Variants in STX2 observed in about 807,000 individuals in gnomAD.
STX2 encodes the protein syntaxin-2.
Under a neutral mutation model 40.6 loss-of-function variants are expected in STX2, and 27 were observed. That is an observed-to-expected ratio of 0.66 (90% CI 0.49 to 0.92). The LOEUF is 0.92. Among genes scored for constraint, STX2 ranks in the 40% least tolerant of loss-of-function variants. The pLI is 0.00. For missense variants in STX2, 328 were observed against 366.1 expected, an observed-to-expected ratio of 0.90 and a Z score of 0.85; for synonymous variants, 123 against 119.1, an observed-to-expected ratio of 1.03 and a Z score of -0.22.
At chr12:130,812,049 A>G (rs1951679703) in intron 4 of STX2, 3 of 236,732 alleles carry the variant, frequency 1.3e-5, no homozygotes, top group Non-Finnish European at 2.5e-5. Context: ...CAGATTCTGT[A>G]GGACAAATGA....
At chr12:130,796,157 G>C in intron 9 of STX2, 37 bp from the exon 10 acceptor site, 1 of 1,607,586 alleles carries the variant, frequency 6.2e-7, no homozygotes, top group Non-Finnish European at 8.5e-7. Flanking sequence ...ATCATGCATG[G>C]TTAATTTCAT....
In STX2 at chr12:130,818,188, ATAT is replaced by A. The variant is rs1565924650; in HGVS notation, c.205+3498_205+3500del. 2.5e-3 allele frequency among the ~76,000 whole-genome samples: 167 copies of A among 66,134 alleles called. 4 individuals carry two copies. Among genetic ancestry groups the A allele is most frequent in the African/African-American group, 3.1e-3 (41 of 13,290 alleles). The allele number at this position is 66,134 out of a possible 152,430, so 43.4% of individuals were successfully genotyped here. A position where few individuals can be genotyped will look rare whatever the true frequency, so the allele number is the denominator to read the frequency against. On this transcript the variant is annotated intron_variant, in intron 3 of 10. Coordinates refer to ENST00000392373, the MANE Select transcript of STX2 (RefSeq NM_194356.4). ...GTTTCTACAAAAAAAAAAAAAAAAT[ATAT>A]ATATATATATATATATATATATATA... is the stretch of plus-strand genomic sequence containing the variant.
chr12:130,815,068 A>G (rs912620212), intron 3 of STX2, among the ~76,000 whole-genome samples: 6 of 152,152 alleles, frequency 3.9e-5, no homozygotes, highest in Non-Finnish European at 7.4e-5. Context: ...TGCCATCTCT[A>G]TTTAAAAAAG....
chr12:130,819,054 T>TCCA (rs1193164866), intron 3 of STX2, among the ~76,000 whole-genome samples: 6 of 152,344 alleles, frequency 3.9e-5, no homozygotes, highest in African/African-American at 1.4e-4. Context: ...AGGTCCTTCG[T>TCCA]CCACCTCTCT....
In STX2 at chr12:130,821,885, A is replaced by G. The variant is rs1752299805; in HGVS notation, c.106-97T>C. On this transcript the variant is annotated intron_variant, in intron 2 of 10. Transcript: ENST00000392373. ...GAAGAATAAAGGAGGGAAATAAATA[A>G]TTACCACATAAGAAATAAAAGCCTC... 15 of 684,930 alleles carry G rather than the reference A, an allele frequency of 2.2e-5. No individual in the cohort carries two copies. The South Asian group carries it at 2.4e-4, about 11-fold the overall frequency. 42.4% of individuals were successfully genotyped at this position (684,930 alleles called of 1,614,324 possible). A position where few individuals can be genotyped will look rare whatever the true frequency, so the allele number is the denominator to read the frequency against.
intron 1 of STX2, among the ~76,000 whole-genome samples, chr12:130,834,453 G>C (rs921512674): frequency 7.2e-5 from 11 of 152,164 alleles, no homozygotes; most frequent in African/African-American, 2.4e-4. Context: ...TGCAAGGGCA[G>C]GGAGGAGGGG....
chr12:130,814,627 CTTTTTTT>C (rs5801936), intron 3 of STX2, among the ~76,000 whole-genome samples: 4 of 49,226 alleles, frequency 8.1e-5, no homozygotes, highest in East Asian at 7.4e-4. Context: ...ATTAGAAAGA[CTTTTTTT>C]TTTTTTTTTT....
intron 8 of STX2, among the ~76,000 whole-genome samples, chr12:130,799,601 C>T (rs1037493221): frequency 8.5e-5 from 13 of 152,230 alleles, no homozygotes; most frequent in African/African-American, 2.9e-4. Flanking sequence ...GGAGTAAGAT[C>T]GTCCCATCCC....
chr12:130,790,544 A>T lies in STX2; in HGVS notation c.*1479T>A, dbSNP rs1031164478. 3 of 152,352 alleles carry T rather than the reference A, an allele frequency of 2.0e-5. No homozygotes were observed. The highest frequency in any genetic ancestry group is 6.5e-5 in the Admixed American group (1 of 15,314). The allele number at this position is 152,352 out of a possible 1,614,324, so 9.4% of individuals were successfully genotyped here. On this transcript the variant is annotated 3_prime_UTR_variant, in exon 11 of 11. Coordinates refer to ENST00000392373, the MANE Select transcript of STX2 (RefSeq NM_194356.4). ...TATTCTTCTACTAAAAAAATGAGCAATAAAAAGGTTTAATTATCATGAATC... is the reference window on the plus strand; with the variant it reads ...TATTCTTCTACTAAAAAAATGAGCATTAAAAAGGTTTAATTATCATGAATC...
chr12:130,804,259 A>C (rs1951340976), intron 6 of STX2, among the ~76,000 whole-genome samples: 1 of 152,222 alleles, frequency 6.6e-6, no homozygotes, highest in Non-Finnish European at 1.5e-5. Flanking sequence ...GGAAGGAAGA[A>C]AGAAAGGGGA....
intron 1 of STX2, among the ~76,000 whole-genome samples, chr12:130,831,866 A>ATTTT (rs60003050): frequency 2.3e-4 from 25 of 106,592 alleles, no homozygotes; most frequent in Middle Eastern, 4.8e-3. Flanking sequence ...CACTTCTGCA[A>ATTTT]TTTTTTTTTT....
chr12:130,837,235 C>A (rs1952780806), intron 1 of STX2, among the ~76,000 whole-genome samples: 1 of 151,976 alleles, frequency 6.6e-6, no homozygotes, highest in African/African-American at 2.4e-5. Context: ...AGCTTAGCCT[C>A]CTGAGTACCA....
intron 2 of STX2, among the ~76,000 whole-genome samples, chr12:130,822,191 C>T (rs934466653): frequency 2.3e-4 from 35 of 152,020 alleles, no homozygotes; most frequent in African/African-American, 8.2e-4. Context: ...CCAAGGCAGG[C>T]GGATCACTTG....
At chr12:130,794,366 G>A (rs769480860) in intron 10 of STX2, among the ~76,000 whole-genome samples, 11 of 152,176 alleles carry the variant, frequency 7.2e-5, no homozygotes, top group African/African-American at 1.2e-4. Context: ...GTTAACACAC[G>A]CAGCATCCCA....
At chr12:130,828,379 C>A (rs1952407970) in intron 1 of STX2, among the ~76,000 whole-genome samples, 1 of 148,428 alleles carries the variant, frequency 6.7e-6, no homozygotes, top group Non-Finnish European at 1.5e-5. Flanking sequence ...ATGCACCTGC[C>A]ACCACACCCG....
Position 130,798,599 on chromosome 12 carries a change from T to A in STX2, c.712A>T (p.Asn238Tyr). The A allele has an allele frequency of 1.2e-6, 2 of 1,602,506 alleles. No homozygotes were observed. The highest frequency in any genetic ancestry group is 1.7e-6 in the Non-Finnish European group (2 of 1,176,756). ...GCGTGTTCTACATAGTCTGTGGCAT[T>A]CATAACATTTCTTTCTATGTTGTTG... ...MINNIERNVM[N>Y]ATDYVEHAKE... Residue 238 changes from asparagine to tyrosine, a missense_variant, in exon 9 of 11, where the codon AAT (asparagine) becomes TAT (tyrosine). Transcript: ENST00000392373.
intron 8 of STX2, among the ~76,000 whole-genome samples, chr12:130,800,214 C>T (rs1951173274): frequency 6.6e-6 from 1 of 152,040 alleles, no homozygotes; most frequent in Admixed American, 6.6e-5. Flanking sequence ...CATACCCATG[C>T]ACATCACAGA....
intron 3 of STX2, among the ~76,000 whole-genome samples, chr12:130,814,290 G>A (rs549823000): frequency 3.3e-4 from 50 of 152,178 alleles, no homozygotes; most frequent in African/African-American, 1.2e-3. Flanking sequence ...CCCAGGAAGC[G>A]CCAATGCCAC....
chr12:130,812,796 T>G (rs887945437), intron 4 of STX2, among the ~76,000 whole-genome samples, 161 bp downstream of exon 4: 1 of 152,200 alleles, frequency 6.6e-6, no homozygotes, highest in Non-Finnish European at 1.5e-5. Context: ...ATAACCTTTT[T>G]GAATATTAAT....
Sources: allele counts gnomAD v4.1 joint callset (sites outside exome capture counted in the v4.1 genomes callset), GRCh38; gene constraint gnomAD v4.1.1; transcripts MANE v1.5; gene names NCBI Gene and HGNC (gene_info 2026-07-23, HGNC 2026-07-21).